Variants in NAAA observed in about 807,000 individuals in gnomAD.
The protein encoded by NAAA is N-acylethanolamine acid amidase.
NAAA carries 39 observed loss-of-function variants against 44.8 expected under a neutral mutation model. The observed-to-expected ratio is 0.87, with a 90% CI of 0.67 to 1.14. The LOEUF is 1.14. Among genes scored for constraint, NAAA ranks in the 50% most tolerant of loss-of-function variants. The probability of loss-of-function intolerance (pLI) is 0.00; values close to 1 mark genes in which losing one functional copy is unlikely to be tolerated. For missense variants in NAAA, 460 were observed against 467.8 expected, an observed-to-expected ratio of 0.98 and a Z score of 0.15; for synonymous variants, 178 against 191.3, an observed-to-expected ratio of 0.93 and a Z score of 0.58.
chr4:75,914,484 C>G (rs1560496104), intron 10 of NAAA, 146 bp from the exon 11 acceptor site: 1 of 243,052 alleles, frequency 4.1e-6, no homozygotes, highest in African/African-American at 2.3e-5. Flanking sequence ...AAGTGATTCT[C>G]CTACCTCAGC....
chr4:75,917,200 C>T lies in NAAA; in HGVS notation c.998+1561G>A, dbSNP rs140679660. The T allele has an allele frequency of 5.0e-5, 27 of 535,086 alleles. No homozygotes were observed. The African/African-American group carries it at 5.6e-4, about 11-fold the overall frequency. 33.1% of individuals were successfully genotyped at this position (535,086 alleles called of 1,614,324 possible). A position where few individuals can be genotyped will look rare whatever the true frequency, so the allele number is the denominator to read the frequency against. ...ACATTGTGCCCCGCTATGAAGGGTA[C>T]AGTCAATAGTGCATTGGAGCTAGCT... On this transcript the variant is annotated intron_variant, in intron 9 of 10. Coordinates refer to ENST00000286733, the MANE Select transcript of NAAA (RefSeq NM_014435.4).
chr4:75,929,168 A>G (rs1429995797), intron 4 of NAAA, among the ~76,000 whole-genome samples: 1 of 152,166 alleles, frequency 6.6e-6, no homozygotes, highest in African/African-American at 2.4e-5. Flanking sequence ...AGCTACAGCA[A>G]TAAGATTTAA....
rs929457146 is a variant in NAAA at position 75,919,576 on chromosome 4, A to T, written c.969+333T>A. On this transcript the variant is annotated intron_variant, in intron 8 of 10. Transcript: ENST00000286733. Reference sequence around the variant, plus strand: ...TCACTGCAAGCTCCGCCTTCCGGGTACACGCCATTCTCCTGCCTCAGCCTC... The same window carrying T: ...TCACTGCAAGCTCCGCCTTCCGGGTTCACGCCATTCTCCTGCCTCAGCCTC... The T allele has an allele frequency of 1.1e-4, 42 of 371,402 alleles. No individual in the cohort carries two copies. In the Admixed American group the frequency reaches 1.6e-3, roughly 14 times the overall value. 23.0% of individuals were successfully genotyped at this position (371,402 alleles called of 1,614,324 possible). A position where few individuals can be genotyped will look rare whatever the true frequency, so the allele number is the denominator to read the frequency against.
rs568939483 is a variant in NAAA, at chr4:75,931,332, T to G, written c.499-28A>C. 29 of 1,538,680 alleles carry G rather than the reference T, an allele frequency of 1.9e-5. No individual in the cohort carries two copies. In the East Asian group the frequency reaches 5.9e-4, roughly 31 times the overall value. Reference sequence around the variant, plus strand: ...GAAATCAAGAGATAACATGGATCATTTCACCATTCCAATCAAATACACTGA... The same window carrying G: ...GAAATCAAGAGATAACATGGATCATGTCACCATTCCAATCAAATACACTGA... On this transcript the variant is annotated intron_variant, in intron 3 of 10. Transcript: ENST00000286733.
chr4:75,916,285 C>T (rs1453412817), intron 9 of NAAA, among the ~76,000 whole-genome samples: 1 of 152,132 alleles, frequency 6.6e-6, no homozygotes, highest in East Asian at 1.9e-4. Flanking sequence ...CCTAATACAA[C>T]TGAACAGCCT....
intron 3 of NAAA, 196 bp downstream of exon 3, chr4:75,935,913 A>G (rs1001118217): frequency 3.2e-5 from 21 of 647,348 alleles, no homozygotes; most frequent in Non-Finnish European, 5.2e-5. Context: ...TAGACACTGA[A>G]TAATAAATAA....
intron 4 of NAAA, among the ~76,000 whole-genome samples, chr4:75,927,778 C>T (rs1726867380): frequency 7.0e-6 from 1 of 142,264 alleles, no homozygotes; most frequent in Non-Finnish European, 1.5e-5. Flanking sequence ...GACAGAAAGA[C>T]TCTGTCTCAA....
At chr4:75,917,789 A>G (rs1212534762) in intron 9 of NAAA, 2 of 434,224 alleles carry the variant, frequency 4.6e-6, no homozygotes, top group South Asian at 1.7e-5. Flanking sequence ...AAAAAAAAAA[A>G]AAAGAAAAAG....
At chr4:75,927,485 T>C (rs1246173621) in intron 4 of NAAA, among the ~76,000 whole-genome samples, 1 of 142,366 alleles carries the variant, frequency 7.0e-6, no homozygotes, top group African/African-American at 2.6e-5. Flanking sequence ...AAACAGGCCT[T>C]GTGCAGTGGC....
chr4:75,912,377 A>G (rs1324614059), downstream of NAAA, among the ~76,000 whole-genome samples: 1 of 151,918 alleles, frequency 6.6e-6, no homozygotes, highest in Non-Finnish European at 1.5e-5. Context: ...ACGTGGTGAA[A>G]CCCTGTCTCT....
intron 2 of NAAA, among the ~76,000 whole-genome samples, chr4:75,939,512 T>G (rs1578093739): frequency 6.8e-6 from 1 of 146,596 alleles, no homozygotes; most frequent in Non-Finnish European, 1.5e-5. Flanking sequence ...GCCTCCCGGG[T>G]TCAAGTGATT....
chr4:75,938,503 C>G (rs1310020486), intron 2 of NAAA, among the ~76,000 whole-genome samples: 1 of 152,108 alleles, frequency 6.6e-6, no homozygotes, highest in Non-Finnish European at 1.5e-5. Context: ...ATTTAGCAGG[C>G]CTGTGTCTTT....
At chr4:75,919,746 G>A in intron 8 of NAAA, 163 bp downstream of exon 8, 1 of 683,474 alleles carries the variant, frequency 1.5e-6, no homozygotes, top group Non-Finnish European at 2.5e-6. Context: ...CCAAAGTGCT[G>A]GGATTACAGG....
intron 5 of NAAA, among the ~76,000 whole-genome samples, chr4:75,921,383 C>T (rs79118816): frequency 1.3e-5 from 2 of 152,144 alleles, no homozygotes; most frequent in African/African-American, 2.4e-5. Context: ...CAGCAAACAC[C>T]GGCTGTGTGC....
At chr4:75,940,482 G>GC (rs1728166582) in intron 1 of NAAA, among the ~76,000 whole-genome samples, 1 of 152,250 alleles carries the variant, frequency 6.6e-6, no homozygotes, top group Non-Finnish European at 1.5e-5. Flanking sequence ...TAGCTATGCA[G>GC]CCCGGGCGAC....
rs577965919 is a variant in NAAA at position 75,924,429 on chromosome 4, G to C, written c.666+1306C>G. 7.9e-5 allele frequency among the ~76,000 whole-genome samples: 12 copies of C among 152,290 alleles called. No homozygotes were observed. In the South Asian group the frequency reaches 2.3e-3, roughly 29 times the overall value. On this transcript the variant is annotated intron_variant, in intron 5 of 10. Coordinates refer to ENST00000286733, the MANE Select transcript of NAAA (RefSeq NM_014435.4). ...TCAGAATATTGTGCAATTTAAAACC[G>C]ATGAATTATTTCTGGAATTTTCCAT...
At chr4:75,915,171 G>C (rs1174473288) in intron 9 of NAAA, among the ~76,000 whole-genome samples, 186 bp from the exon 10 acceptor site, 1 of 152,060 alleles carries the variant, frequency 6.6e-6, no homozygotes, top group Admixed American at 6.6e-5. Context: ...CACTGTGGAA[G>C]GCCAAGTTGG....
intron 2 of NAAA, among the ~76,000 whole-genome samples, chr4:75,937,085 G>A (rs999329460): frequency 1.3e-5 from 2 of 152,066 alleles, no homozygotes; most frequent in Non-Finnish European, 2.9e-5. Context: ...TTTATAATTG[G>A]GGAAAAAAGT....
At chr4:75,919,857 T>C (rs1725983035) in intron 8 of NAAA, 52 bp downstream of exon 8, 1 of 1,508,430 alleles carries the variant, frequency 6.6e-7, no homozygotes, top group Non-Finnish European at 9.2e-7. Flanking sequence ...ATATTCACTA[T>C]TAACAAAACA....
Sources: gnomAD v4.1 joint callset for allele counts (sites outside exome capture counted in the v4.1 genomes callset) on GRCh38, gnomAD v4.1.1 for gene constraint, MANE v1.5 for transcripts, NCBI Gene and HGNC (gene_info 2026-07-23, HGNC 2026-07-21) for gene names.